NKAIN2: variants seen among roughly 807,000 people sequenced by gnomAD.
NKAIN2 encodes the protein sodium/potassium transporting ATPase interacting 2.
Under a neutral mutation model 32.6 loss-of-function variants are expected in NKAIN2, and 14 were observed. The ratio of observed to expected loss-of-function variants is 0.43; its 90% CI spans 0.28 to 0.67. The LOEUF is 0.67. NKAIN2 is among the 30% of genes least tolerant of loss of function. The pLI is 0.17. For synonymous variants in NKAIN2, 80 were observed against 87.2 expected, an observed-to-expected ratio of 0.92 and a Z score of 0.46; for missense variants, 198 against 258.3, an observed-to-expected ratio of 0.77 and a Z score of 1.60.
intron 4 of NKAIN2, among the ~76,000 whole-genome samples, chr6:124,732,466 C>T (rs979458143): frequency 7.2e-5 from 11 of 152,076 alleles, no homozygotes; most frequent in African/African-American, 2.7e-4. Flanking sequence ...TAAATGGTCA[C>T]TATACGCCAA....
intron 1 of NKAIN2, among the ~76,000 whole-genome samples, chr6:123,900,343 C>T (rs1333728724): frequency 3.3e-5 from 5 of 151,748 alleles, no homozygotes; most frequent in African/African-American, 9.7e-5. Context: ...CACGGTGGCA[C>T]GTGCCTGTAG....
At chr6:124,512,853 C>T (rs544006567) in intron 3 of NKAIN2, among the ~76,000 whole-genome samples, 35 of 152,022 alleles carry the variant, frequency 2.3e-4, no homozygotes, top group Admixed American at 1.2e-3. Flanking sequence ...ATAGGAGGGA[C>T]GGTTAGTTAG....
chr6:124,560,988 C>G (rs916882604), intron 3 of NKAIN2, among the ~76,000 whole-genome samples: 4 of 152,022 alleles, frequency 2.6e-5, no homozygotes, highest in Non-Finnish European at 5.9e-5. Flanking sequence ...TCTTCTAGAC[C>G]CAGAGGTGAT....
intron 3 of NKAIN2, among the ~76,000 whole-genome samples, chr6:124,560,593 CT>C (rs1183763334): frequency 1.3e-5 from 2 of 152,178 alleles, no homozygotes; most frequent in Non-Finnish European, 2.9e-5. Context: ...CTTTCTTCAT[CT>C]TTCAAATGAA....
Position 124,823,686 on chromosome 6 carries a change from C to T in NKAIN2, c.*457C>T, listed in dbSNP as rs1781482042. 6.2e-6 allele frequency: 1 copy of T among 160,244 alleles called. No individual in the cohort carries two copies. The highest frequency in any genetic ancestry group is 6.1e-5 in the Admixed American group (1 of 16,480). The allele number at this position is 160,244 out of a possible 1,614,324, so 9.9% of individuals were successfully genotyped here. A position where few individuals can be genotyped will look rare whatever the true frequency, so the allele number is the denominator to read the frequency against. Reference sequence around the variant, plus strand: ...CTTGACAGCACCACGGCTACTTAGGCAATGTAATTGCAAAAACAAACGAAA... The same window carrying T: ...CTTGACAGCACCACGGCTACTTAGGTAATGTAATTGCAAAAACAAACGAAA... On this transcript the variant is annotated 3_prime_UTR_variant, in exon 7 of 7. Transcript: ENST00000368417.
At chr6:123,819,627 G>A (rs1282900682) in intron 1 of NKAIN2, among the ~76,000 whole-genome samples, 5 of 152,308 alleles carry the variant, frequency 3.3e-5, no homozygotes, top group African/African-American at 9.6e-5. Context: ...AAGAAGAACA[G>A]CTCCCAATTA....
intron 3 of NKAIN2, among the ~76,000 whole-genome samples, chr6:124,622,250 T>C (rs1783133092): frequency 6.6e-6 from 1 of 152,178 alleles, no homozygotes; most frequent in Non-Finnish European, 1.5e-5. Flanking sequence ...CTTCTCTTCT[T>C]CCGGTTTTTA....
At chr6:124,452,125 GC>G (rs1776132470) in intron 3 of NKAIN2, among the ~76,000 whole-genome samples, 1 of 151,738 alleles carries the variant, frequency 6.6e-6, no homozygotes, top group African/African-American at 2.4e-5. Context: ...AGCCTGGGAG[GC>G]AGAGGTTGCA....
At chr6:124,620,745 A>C (rs1212396162) in intron 3 of NKAIN2, among the ~76,000 whole-genome samples, 1 of 152,216 alleles carries the variant, frequency 6.6e-6, no homozygotes, top group Non-Finnish European at 1.5e-5. Flanking sequence ...GTTCCTAATA[A>C]AATAACAAGC....
intron 1 of NKAIN2, chr6:123,829,181 C>A (rs1442144565): frequency 6.6e-6 from 1 of 152,172 alleles, no homozygotes; most frequent in Non-Finnish European, 1.5e-5. Context: ...AAGATTCTTT[C>A]TTATTCTAAC....
At chr6:124,061,429 C>A (rs1288939939) in intron 1 of NKAIN2, among the ~76,000 whole-genome samples, 1 of 151,966 alleles carries the variant, frequency 6.6e-6, no homozygotes, top group Non-Finnish European at 1.5e-5. Context: ...TTTTCTCTTT[C>A]TCTATATTTT....
chr6:124,305,896 C>G (rs1197280662), intron 2 of NKAIN2, among the ~76,000 whole-genome samples: 1 of 152,126 alleles, frequency 6.6e-6, no homozygotes, highest in East Asian at 1.9e-4. Context: ...GTCTCCCTTT[C>G]TTATTTCCTA....
At chr6:124,725,682 A>G (rs1776250649) in intron 4 of NKAIN2, among the ~76,000 whole-genome samples, 1 of 152,194 alleles carries the variant, frequency 6.6e-6, no homozygotes, top group African/African-American at 2.4e-5. Flanking sequence ...CCACATAAAA[A>G]TGAATGTGGA....
At chr6:124,773,468 T>A (rs1778851675) in intron 4 of NKAIN2, among the ~76,000 whole-genome samples, 1 of 152,120 alleles carries the variant, frequency 6.6e-6, no homozygotes, top group South Asian at 2.1e-4. Context: ...GAATGAAAGA[T>A]CAGCTATGGC....
intron 5 of NKAIN2, among the ~76,000 whole-genome samples, chr6:124,801,531 G>A (rs1004964127): frequency 1.3e-5 from 2 of 152,196 alleles, no homozygotes; most frequent in Admixed American, 1.3e-4. Context: ...TGTGATACCT[G>A]AGAGAGATTC....
At chr6:124,715,921 A>G (rs1442724243) in intron 4 of NKAIN2, among the ~76,000 whole-genome samples, 2 of 152,190 alleles carry the variant, frequency 1.3e-5, no homozygotes, top group African/African-American at 4.8e-5. Context: ...ACTCTACTAC[A>G]TATTTTCACT....
chr6:124,576,054 AAAAG>A (rs1285710385), intron 3 of NKAIN2, among the ~76,000 whole-genome samples: 2 of 152,212 alleles, frequency 1.3e-5, no homozygotes, highest in East Asian at 3.8e-4. Flanking sequence ...ACATGAAGGA[AAAAG>A]AAAGCCAGTT....
chr6:124,369,299 T>A (rs1799652930), intron 3 of NKAIN2, among the ~76,000 whole-genome samples: 1 of 152,192 alleles, frequency 6.6e-6, no homozygotes, highest in African/African-American at 2.4e-5. Flanking sequence ...AGAATACATT[T>A]GCATTAAGAG....
chr6:124,577,009 A>G (rs941229008), intron 3 of NKAIN2, among the ~76,000 whole-genome samples: 1 of 152,204 alleles, frequency 6.6e-6, no homozygotes, highest in Non-Finnish European at 1.5e-5. Flanking sequence ...TTTTTGAAAC[A>G]TGGGTAAGGA....
Sources: allele counts gnomAD v4.1 joint callset (sites outside exome capture counted in the v4.1 genomes callset), GRCh38; gene constraint gnomAD v4.1.1; transcripts MANE v1.5; gene names NCBI Gene and HGNC (gene_info 2026-07-23, HGNC 2026-07-21).